IGF2BP2: variants seen among roughly 807,000 people sequenced by gnomAD.
IGF2BP2 encodes insulin like growth factor 2 mRNA binding protein 2.
Under a neutral mutation model 75.8 loss-of-function variants are expected in IGF2BP2, and 17 were observed. The observed-to-expected ratio is 0.22, with a 90% confidence interval of 0.15 to 0.34. IGF2BP2 has a LOEUF of 0.34. Ranked by LOEUF, IGF2BP2 falls within the 10% of genes least tolerant of loss-of-function variation. The pLI, the probability that IGF2BP2 is intolerant of heterozygous loss-of-function variation, is 1.00. For synonymous variants in IGF2BP2, 288 were observed against 295.6 expected, an observed-to-expected ratio of 0.97 and a Z score of 0.26; for missense variants, 516 against 772.4, an observed-to-expected ratio of 0.67 and a Z score of 3.93.
chr3:185,772,632 A>C (rs1252633627), intron 2 of IGF2BP2, among the ~76,000 whole-genome samples: 6 of 130,568 alleles, frequency 4.6e-5, no homozygotes, highest in African/African-American at 1.8e-4. Context: ...CCCAGGCTGG[A>C]GTGCAGTGGT....
At chr3:185,748,937 G>T (rs1221909587) in intron 2 of IGF2BP2, among the ~76,000 whole-genome samples, 1 of 152,216 alleles carries the variant, frequency 6.6e-6, no homozygotes, top group Non-Finnish European at 1.5e-5. Flanking sequence ...GCCGAGGCAG[G>T]CTGATCACTT....
intron 2 of IGF2BP2, among the ~76,000 whole-genome samples, chr3:185,741,787 C>T (rs963481823): frequency 6.6e-6 from 1 of 152,202 alleles, no homozygotes; most frequent in East Asian, 1.9e-4. Flanking sequence ...AGATGCAGAG[C>T]AAGCACGAGG....
At chr3:185,677,130 G>C (rs1719680557) in intron 7 of IGF2BP2, among the ~76,000 whole-genome samples, 1 of 136,348 alleles carries the variant, frequency 7.3e-6, no homozygotes, top group Admixed American at 7.6e-5. Flanking sequence ...CAGTAAAAAA[G>C]GTAAGAACAT....
At chr3:185,729,092 T>C (rs1727773075) in intron 2 of IGF2BP2, among the ~76,000 whole-genome samples, 1 of 151,984 alleles carries the variant, frequency 6.6e-6, no homozygotes, top group African/African-American at 2.4e-5. Flanking sequence ...GACAAAGCAG[T>C]AAAGATTACT....
At chr3:185,668,989 G>A (rs1248288595) in intron 10 of IGF2BP2, among the ~76,000 whole-genome samples, 1 of 152,082 alleles carries the variant, frequency 6.6e-6, no homozygotes, top group African/African-American at 2.4e-5. Context: ...CTATAACTGA[G>A]GGGCCAAAAA....
intron 9 of IGF2BP2, among the ~76,000 whole-genome samples, chr3:185,674,763 A>G (rs1193935747): frequency 1.3e-5 from 2 of 152,212 alleles, no homozygotes; most frequent in Non-Finnish European, 2.9e-5. Context: ...TCATTTTTGT[A>G]TGTAGCCTTC....
At chr3:185,773,340 T>C (rs981188164) in intron 2 of IGF2BP2, among the ~76,000 whole-genome samples, 4 of 152,360 alleles carry the variant, frequency 2.6e-5, no homozygotes, top group East Asian at 1.9e-4. Context: ...ACTTGAGCTT[T>C]TGGCTAAGAC....
chr3:185,729,661 A>C (rs902495145), intron 2 of IGF2BP2: 2 of 152,224 alleles, frequency 1.3e-5, no homozygotes, highest in Non-Finnish European at 1.5e-5. Context: ...ATTAACGTTC[A>C]TATGCTTTCA....
At chr3:185,680,144 T>C (rs1720157995) in intron 7 of IGF2BP2, among the ~76,000 whole-genome samples, 1 of 152,042 alleles carries the variant, frequency 6.6e-6, no homozygotes, top group Non-Finnish European at 1.5e-5. Flanking sequence ...ACGACAGAGA[T>C]AAAAAGGATT....
At chr3:185,806,908 C>CTTATTTTGCCTAAGAT (rs1269644171) in intron 2 of IGF2BP2, among the ~76,000 whole-genome samples, 2 of 152,120 alleles carry the variant, frequency 1.3e-5, no homozygotes, top group African/African-American at 4.8e-5. Flanking sequence ...AATATGAACA[C>CTTATTTTGCCTAAGAT]TTATTTTGCC....
chr3:185,706,110 T>G (rs992538884), intron 2 of IGF2BP2, among the ~76,000 whole-genome samples: 3 of 152,214 alleles, frequency 2.0e-5, no homozygotes, highest in Non-Finnish European at 4.4e-5. Context: ...GGCTCACACT[T>G]GTAATCCCAG....
intron 7 of IGF2BP2, among the ~76,000 whole-genome samples, chr3:185,683,876 C>T (rs1577957985): frequency 6.6e-6 from 1 of 152,200 alleles, no homozygotes; most frequent in East Asian, 1.9e-4. Flanking sequence ...GAACGTGAGA[C>T]ATGCTGAGGA....
At chr3:185,671,937 T>C (rs77976344) in intron 10 of IGF2BP2, among the ~76,000 whole-genome samples, 61 of 152,370 alleles carry the variant, frequency 4.0e-4, no homozygotes, top group African/African-American at 1.4e-3. Context: ...TGATCTTGAA[T>C]AATGCTTGTG....
intron 2 of IGF2BP2, among the ~76,000 whole-genome samples, chr3:185,769,753 CAGG>C (rs758195185): frequency 8.0e-4 from 118 of 146,792 alleles, no homozygotes; most frequent in Admixed American, 1.1e-3. Context: ...CGATTGAGCC[CAGG>C]AGGTCAATGC....
At chr3:185,746,717 C>T (rs1161230134) in intron 2 of IGF2BP2, among the ~76,000 whole-genome samples, 1 of 152,158 alleles carries the variant, frequency 6.6e-6, no homozygotes, top group Non-Finnish European at 1.5e-5. Context: ...AACCAAGATA[C>T]CTATTTATAA....
At chr3:185,671,528 T>G (rs1224336958) in intron 10 of IGF2BP2, among the ~76,000 whole-genome samples, 2 of 116,476 alleles carry the variant, frequency 1.7e-5, no homozygotes, top group Non-Finnish European at 3.3e-5. Context: ...AGAGCAAGAC[T>G]CCATCTCAAA....
At chr3:185,808,497 A>T (rs562999318) in intron 2 of IGF2BP2, among the ~76,000 whole-genome samples, 6 of 152,130 alleles carry the variant, frequency 3.9e-5, no homozygotes, top group African/African-American at 1.4e-4. Flanking sequence ...ACTAAATAAT[A>T]ATAATTTTAA....
chr3:185,676,624 G>A (rs927081257), intron 7 of IGF2BP2, among the ~76,000 whole-genome samples: 1 of 151,158 alleles, frequency 6.6e-6, no homozygotes, highest in African/African-American at 2.4e-5. Flanking sequence ...AGTGAACCAT[G>A]ATCACACACT....
chr3:185,803,875 G>A (rs1163503893), intron 2 of IGF2BP2, among the ~76,000 whole-genome samples: 4 of 152,208 alleles, frequency 2.6e-5, no homozygotes, highest in Admixed American at 6.5e-5. Context: ...TGTAATCCCA[G>A]CACTTTAGGA....
Sources: allele counts gnomAD v4.1 joint callset (sites outside exome capture counted in the v4.1 genomes callset), GRCh38; gene constraint gnomAD v4.1.1; transcripts MANE v1.5; gene names NCBI Gene and HGNC (gene_info 2026-07-23, HGNC 2026-07-21).